Variants in NARS2 observed in about 807,000 individuals in gnomAD.
The protein encoded by NARS2 is asparaginyl-tRNA synthetase.
A neutral mutation model predicts 62.9 loss-of-function variants in NARS2; 60 were observed. The observed-to-expected ratio is 0.95, with a 90% confidence interval of 0.77 to 1.18. The LOEUF is 1.18. Ranked by LOEUF, NARS2 falls within the 50% of genes most tolerant of loss-of-function variation. NARS2 has a pLI of 0.00. For missense variants in NARS2, 619 were observed against 576.4 expected, an observed-to-expected ratio of 1.07 and a Z score of -0.76; for synonymous variants, 196 against 200.0, an observed-to-expected ratio of 0.98 and a Z score of 0.17.
intron 10 of NARS2, among the ~76,000 whole-genome samples, chr11:78,468,153 C>T (rs981484997): frequency 6.6e-6 from 1 of 150,952 alleles, no homozygotes; most frequent in African/African-American, 2.4e-5. Flanking sequence ...TCAAGATGAG[C>T]TCAGGCATCA....
At chr11:78,544,656 C>T (rs865951607) in intron 5 of NARS2, among the ~76,000 whole-genome samples, 7 of 151,788 alleles carry the variant, frequency 4.6e-5, no homozygotes, top group Non-Finnish European at 7.4e-5. Flanking sequence ...TAGCCAGGCG[C>T]GGTGGTGGGT....
At chr11:78,563,852 ATATAT>A (rs1170978328) in intron 4 of NARS2, among the ~76,000 whole-genome samples, 1,985 of 20,172 alleles carry the variant, frequency 0.098, 187 homozygotes, top group East Asian at 0.12. Flanking sequence ...AAAAAAAAAA[ATATAT>A]ATATATATAT....
intron 6 of NARS2, among the ~76,000 whole-genome samples, chr11:78,518,978 T>C (rs1381561272): frequency 2.6e-5 from 4 of 152,198 alleles, no homozygotes; most frequent in Non-Finnish European, 2.9e-5. Context: ...TCTAATGCTA[T>C]AGAGAACAGC....
chr11:78,571,242 CAG>C, intron 2 of NARS2, 91 bp downstream of exon 2: 1 of 721,998 alleles, frequency 1.4e-6, no homozygotes, highest in South Asian at 1.6e-5. Flanking sequence ...AAAGATTACT[CAG>C]GGGTCCAACG....
intron 6 of NARS2, among the ~76,000 whole-genome samples, chr11:78,519,993 AG>A (rs1276217693): frequency 6.6e-6 from 1 of 152,048 alleles, no homozygotes; most frequent in African/African-American, 2.4e-5. Flanking sequence ...ACGTCCAGCT[AG>A]TTTTTGAGTT....
At chr11:78,557,267 T>C (rs1590861641) in intron 5 of NARS2, among the ~76,000 whole-genome samples, 1 of 152,086 alleles carries the variant, frequency 6.6e-6, no homozygotes, top group African/African-American at 2.4e-5. Flanking sequence ...AGAGAAAAAA[T>C]GTGCACCATT....
intron 7 of NARS2, among the ~76,000 whole-genome samples, chr11:78,479,519 C>CA (rs907479101): frequency 1.3e-5 from 2 of 151,248 alleles, no homozygotes; most frequent in African/African-American, 2.4e-5. Context: ...CAAAAAACAA[C>CA]AAAAAAAAGT....
Position 78,574,411 on chromosome 11 carries a change from G to C in NARS2, c.78C>G (p.Ala26=). ...SAPFPKHKPS[A]KLSVRDALGA... ...CGAGAGCGTCCCGCACGCTCAGTTT[G>C]GCTGAAGGTTTGTGCTTGGGGAAGG... The change falls in exon 1 of 14, where the codon GCC becomes GCG. Residue 26 remains alanine (A), a synonymous_variant. Coordinates refer to ENST00000281038, the MANE Select transcript of NARS2 (RefSeq NM_024678.6). The C allele has an allele frequency of 6.2e-7, 1 of 1,614,224 alleles. No individual in the cohort carries two copies. The highest frequency in any genetic ancestry group is 8.5e-7 in the Non-Finnish European group (1 of 1,180,032).
intron 11 of NARS2, among the ~76,000 whole-genome samples, chr11:78,449,545 A>C (rs1857890523): frequency 6.6e-6 from 1 of 152,152 alleles, no homozygotes; most frequent in South Asian, 2.1e-4. Flanking sequence ...AACTGGTTAT[A>C]CACAACTATT....
chr11:78,558,502 TTAAAGA>T (rs1394629859), intron 5 of NARS2: 5 of 152,200 alleles, frequency 3.3e-5, no homozygotes, highest in African/African-American at 7.2e-5. Flanking sequence ...TCCTGACATC[TTAAAGA>T]TAAAGAAATC....
At chr11:78,480,811 T>C (rs1306966397) in intron 7 of NARS2, among the ~76,000 whole-genome samples, 2 of 151,426 alleles carry the variant, frequency 1.3e-5, no homozygotes, top group Non-Finnish European at 2.9e-5. Context: ...AGGGGAGAAA[T>C]GTTTAACTTT....
intron 10 of NARS2, among the ~76,000 whole-genome samples, chr11:78,467,758 T>C (rs1858683793): frequency 2.0e-5 from 3 of 152,090 alleles, no homozygotes; most frequent in African/African-American, 7.2e-5. Flanking sequence ...TAATGACAGA[T>C]GTGTTAACTA....
chr11:78,530,586 G>C (rs1264805262), intron 5 of NARS2, among the ~76,000 whole-genome samples: 1 of 152,150 alleles, frequency 6.6e-6, no homozygotes, highest in Non-Finnish European at 1.5e-5. Flanking sequence ...TGATTCTCCT[G>C]CCTCAGCCTG....
chr11:78,501,088 T>C (rs1860266417), intron 6 of NARS2, among the ~76,000 whole-genome samples: 1 of 152,098 alleles, frequency 6.6e-6, no homozygotes, highest in Non-Finnish European at 1.5e-5. Context: ...TGAGACCCTG[T>C]CTCAAACACA....
chr11:78,547,612 C>T (rs1249081024), intron 5 of NARS2, among the ~76,000 whole-genome samples: 5 of 147,860 alleles, frequency 3.4e-5, no homozygotes, highest in Admixed American at 6.7e-5. Context: ...CCACGGCAGG[C>T]GGATCACCTG....
At chr11:78,561,082 G>T (rs1423157754) in intron 4 of NARS2, among the ~76,000 whole-genome samples, 1 of 151,884 alleles carries the variant, frequency 6.6e-6, no homozygotes, top group Non-Finnish European at 1.5e-5. Flanking sequence ...TAAATCTTAG[G>T]AAAATAACTG....
chr11:78,552,840 C>T (rs185551353), intron 5 of NARS2, among the ~76,000 whole-genome samples: 84 of 152,338 alleles, frequency 5.5e-4, no homozygotes, highest in African/African-American at 1.7e-3. Flanking sequence ...CCTCCTGAGG[C>T]TGTGTCACAG....
chr11:78,540,120 T>G (rs1336846863), intron 5 of NARS2, among the ~76,000 whole-genome samples: 1 of 152,104 alleles, frequency 6.6e-6, no homozygotes, highest in African/African-American at 2.4e-5. Flanking sequence ...AAACAAAAAT[T>G]TTTGCTAGGT....
At chr11:78,555,186 A>G (rs572514721) in intron 5 of NARS2, 100 of 152,098 alleles carry the variant, frequency 6.6e-4, no homozygotes, top group African/African-American at 2.4e-3. Flanking sequence ...CTAGCTTGAT[A>G]TTTTCTTTTT....
Sources: gnomAD v4.1 joint callset for allele counts (sites outside exome capture counted in the v4.1 genomes callset) on GRCh38, gnomAD v4.1.1 for gene constraint, MANE v1.5 for transcripts, NCBI Gene and HGNC (gene_info 2026-07-23, HGNC 2026-07-21) for gene names.